CFAP299: variants seen among roughly 807,000 people sequenced by gnomAD.
CFAP299 encodes cilia and flagella associated protein 299.
In CFAP299, 21 loss-of-function variants were observed where a neutral mutation model predicts 27.0. The observed-to-expected ratio is 0.78, with a 90% CI of 0.55 to 1.12. The LOEUF is 1.12. Among genes scored for constraint, CFAP299 ranks in the 50% most tolerant of loss-of-function variants. CFAP299 has a pLI of 0.00. For missense variants in CFAP299, 310 were observed against 276.6 expected (o/e 1.12, Z -0.86); for synonymous variants, 104 against 98.1 (o/e 1.06, Z -0.36).
At chr4:80,873,580 AG>A (rs1733221665) in intron 4 of CFAP299, among the ~76,000 whole-genome samples, 1 of 152,180 alleles carries the variant, frequency 6.6e-6, no homozygotes, top group African/African-American at 2.4e-5. Flanking sequence ...CATCAGAGAG[AG>A]GAAAAGATAA....
intron 3 of CFAP299, among the ~76,000 whole-genome samples, chr4:80,730,248 C>CTCTCTCTGTG (rs1553953972): frequency 1.5e-5 from 2 of 130,802 alleles, no homozygotes; most frequent in African/African-American, 6.1e-5. Flanking sequence ...CTCTCTCTCT[C>CTCTCTCTGTG]TGTGTGTGTG....
At chr4:80,674,368 A>G (rs1026908277) in intron 3 of CFAP299, among the ~76,000 whole-genome samples, 10 of 152,158 alleles carry the variant, frequency 6.6e-5, no homozygotes, top group African/African-American at 2.4e-4. Context: ...CTTCTGGCTT[A>G]TAGAGTTTCT....
intron 3 of CFAP299, among the ~76,000 whole-genome samples, chr4:80,855,394 T>C (rs1560446746): frequency 6.6e-6 from 1 of 151,846 alleles, no homozygotes; most frequent in Non-Finnish European, 1.5e-5. Context: ...CTTATTTTCT[T>C]TTTATTTATT....
intron 4 of CFAP299, among the ~76,000 whole-genome samples, chr4:80,936,992 CT>C (rs1736920998): frequency 1.3e-5 from 2 of 152,048 alleles, no homozygotes; most frequent in East Asian, 3.9e-4. Context: ...TTCAAATCCT[CT>C]GTATTTTATT....
chr4:80,744,143 A>C (rs1040919692), intron 3 of CFAP299, among the ~76,000 whole-genome samples: 7 of 152,216 alleles, frequency 4.6e-5, no homozygotes, highest in Non-Finnish European at 1.0e-4. Flanking sequence ...TAAAAAGATA[A>C]AAGAGAAAAG....
chr4:80,881,534 C>T (rs1733705974), intron 4 of CFAP299, among the ~76,000 whole-genome samples: 1 of 151,358 alleles, frequency 6.6e-6, no homozygotes, highest in Admixed American at 6.6e-5. Flanking sequence ...AGTTTCCAGC[C>T]TTACAGTGTG....
intron 3 of CFAP299, among the ~76,000 whole-genome samples, chr4:80,854,826 A>AC (rs1731738598): frequency 6.6e-6 from 1 of 150,942 alleles, no homozygotes; most frequent in African/African-American, 2.4e-5. Flanking sequence ...AAAAAAAAAA[A>AC]AAAAAAAAAA....
intron 2 of CFAP299, among the ~76,000 whole-genome samples, chr4:80,412,377 G>A (rs1051308606): frequency 4.6e-5 from 7 of 151,618 alleles, no homozygotes; most frequent in South Asian, 4.1e-4. Flanking sequence ...TTCATGACAC[G>A]TTCTGGGATA....
At chr4:80,362,984 A>G (rs1723631502) in intron 2 of CFAP299, 100 bp downstream of exon 2, 8 of 1,334,888 alleles carry the variant, frequency 6.0e-6, no homozygotes, top group Non-Finnish European at 8.0e-6. Context: ...CACTGGGTGG[A>G]GCAGGTAAAA....
At chr4:80,686,128 A>C (rs1285502055) in intron 3 of CFAP299, among the ~76,000 whole-genome samples, 1 of 148,656 alleles carries the variant, frequency 6.7e-6, no homozygotes, top group Non-Finnish European at 1.5e-5. Flanking sequence ...GGGAACTTTA[A>C]TGAAAAAAAA....
intron 3 of CFAP299, among the ~76,000 whole-genome samples, chr4:80,851,084 C>T (rs1731494944): frequency 6.6e-6 from 1 of 151,996 alleles, no homozygotes; most frequent in South Asian, 2.1e-4. Context: ...ATGTAGTAGA[C>T]AGTAACACAG....
chr4:80,769,855 C>T (rs949505890), intron 3 of CFAP299, among the ~76,000 whole-genome samples: 1 of 152,164 alleles, frequency 6.6e-6, no homozygotes, highest in Non-Finnish European at 1.5e-5. Flanking sequence ...TTACTATTGG[C>T]ATAATTCATT....
At chr4:80,573,083 T>C (rs1054118748) in intron 2 of CFAP299, among the ~76,000 whole-genome samples, 1 of 152,144 alleles carries the variant, frequency 6.6e-6, no homozygotes, top group Non-Finnish European at 1.5e-5. Flanking sequence ...TTTACAGTGC[T>C]ATCAACAGTG....
At chr4:80,770,204 G>A (rs1399696657) in intron 3 of CFAP299, among the ~76,000 whole-genome samples, 4 of 151,984 alleles carry the variant, frequency 2.6e-5, no homozygotes, top group South Asian at 2.1e-4. Context: ...ATAGATTTTT[G>A]CTCGATTAGA....
At chr4:80,666,795 T>C (rs1425051850) in intron 3 of CFAP299, among the ~76,000 whole-genome samples, 1 of 152,222 alleles carries the variant, frequency 6.6e-6, no homozygotes, top group Non-Finnish European at 1.5e-5. Flanking sequence ...TCACACTCAC[T>C]GAATATCATA....
At chr4:80,466,485 T>C (rs1729704880) in intron 2 of CFAP299, among the ~76,000 whole-genome samples, 1 of 152,186 alleles carries the variant, frequency 6.6e-6, no homozygotes, top group Non-Finnish European at 1.5e-5. Flanking sequence ...CTAAAATAAG[T>C]GCAAAGTATC....
At chr4:80,869,475 C>G (rs1267033960) in intron 3 of CFAP299, among the ~76,000 whole-genome samples, 1 of 152,110 alleles carries the variant, frequency 6.6e-6, no homozygotes, top group Admixed American at 6.6e-5. Context: ...CTCTGTTGTT[C>G]TTTTCGTTTT....
intron 1 of CFAP299, among the ~76,000 whole-genome samples, chr4:80,341,249 G>A (rs1472229480): frequency 6.6e-6 from 1 of 152,218 alleles, no homozygotes; most frequent in Non-Finnish European, 1.5e-5. Flanking sequence ...AGTTGACTCA[G>A]CCTTTCTAGC....
At chr4:80,652,644 T>A (rs1027126660) in intron 3 of CFAP299, among the ~76,000 whole-genome samples, 1 of 152,168 alleles carries the variant, frequency 6.6e-6, no homozygotes, top group East Asian at 1.9e-4. Context: ...ACATATTGAA[T>A]GCATCATATG....
Sources: gnomAD v4.1 joint callset for allele counts (sites outside exome capture counted in the v4.1 genomes callset) on GRCh38, gnomAD v4.1.1 for gene constraint, MANE v1.5 for transcripts, NCBI Gene and HGNC (gene_info 2026-07-23, HGNC 2026-07-21) for gene names.